Variants in ZNF407 observed in about 807,000 individuals in gnomAD.
The protein encoded by ZNF407 is zinc finger protein 407.
A neutral mutation model predicts 131.2 loss-of-function variants in ZNF407; 17 were observed. The observed-to-expected ratio is 0.13, with a 90% CI of 0.09 to 0.19. The LOEUF is 0.19. Among genes scored for constraint, ZNF407 ranks in the 10% least tolerant of loss-of-function variants. The pLI is 1.00. For missense variants in ZNF407, 2,681 were observed against 2,830.6 expected (o/e 0.95, Z 1.20); for synonymous variants, 1,156 against 1,062.0 (o/e 1.09, Z -1.72).
intron 8 of ZNF407, among the ~76,000 whole-genome samples, chr18:75,018,945 C>A (rs576823331): frequency 2.4e-4 from 37 of 152,096 alleles, no homozygotes; most frequent in South Asian, 8.3e-4. Flanking sequence ...TTTCTATTAC[C>A]AGTTTCATAA....
At position 74,617,096 on chromosome 18, in the gene ZNF407, A is replaced by ACACACATCCATATCCACGCACCAC. The variant is rs1352602380; in HGVS notation, c.-53-13871_-53-13870insCACACATCCATATCCACGCACCAC. Among the ~76,000 whole-genome samples the ACACACATCCATATCCACGCACCAC allele has an allele frequency of 2.5e-4, 6 of 24,258 alleles. 2 individuals carry two copies. The highest frequency in any genetic ancestry group is 2.7e-4 in the African/African-American group (2 of 7,274). 15.9% of individuals were successfully genotyped at this position (24,258 alleles called of 152,430 possible). A position where few individuals can be genotyped will look rare whatever the true frequency, so the allele number is the denominator to read the frequency against. ...CCACACACATCCATATCCATGCACC[A>ACACACATCCATATCCACGCACCAC]ACACATCCATATCCACACACCACAC... On this transcript the variant is annotated intron_variant, in intron 1 of 8. Transcript: ENST00000299687.
At chr18:74,764,377 AT>A in intron 3 of ZNF407, among the ~76,000 whole-genome samples, 1 of 152,070 alleles carries the variant, frequency 6.6e-6, no homozygotes, top group Admixed American at 6.5e-5. Context: ...CATCTAATGA[AT>A]TTTTTTATCT....
intron 7 of ZNF407, among the ~76,000 whole-genome samples, chr18:74,909,723 G>A (rs895706372): frequency 6.6e-6 from 1 of 151,562 alleles, no homozygotes; most frequent in Admixed American, 6.6e-5. Flanking sequence ...TTTGGAGAAG[G>A]GTTTTATAAA....
chr18:74,633,618 G>C lies in ZNF407; in HGVS notation c.2599G>C (p.Val867Leu), dbSNP rs1568134717. 6 of 1,614,032 alleles carry C rather than the reference G, an allele frequency of 3.7e-6. No individual in the cohort carries two copies. The highest frequency in any genetic ancestry group is 4.2e-6 in the Non-Finnish European group (5 of 1,179,908). Residue 867 changes from valine to leucine, a missense_variant, in exon 2 of 9, where the codon GTT (valine) becomes CTT (leucine). Coordinates refer to ENST00000299687, the MANE Select transcript of ZNF407 (RefSeq NM_017757.3). The part of the protein sequence containing the change: ...LLASSITNLT[V>L]HIRRKHSHQY... The stretch of plus-strand genomic sequence containing the variant: ...GGCCTCTAGTATTACAAACTTGACT[G>C]TTCACATTAGACGAAAACACAGTCA...
chr18:74,890,976 G>T (rs1002194028), intron 7 of ZNF407, among the ~76,000 whole-genome samples: 1 of 152,224 alleles, frequency 6.6e-6, no homozygotes. Flanking sequence ...ACTTGCATCC[G>T]CAGTGGCTGA....
chr18:74,645,025 C>T (rs144933571), intron 3 of ZNF407, among the ~76,000 whole-genome samples: 1 of 150,682 alleles, frequency 6.6e-6, no homozygotes, highest in African/African-American at 2.4e-5. Context: ...GATATTGTCT[C>T]TCTCTGTCTC....
intron 7 of ZNF407, among the ~76,000 whole-genome samples, chr18:74,909,271 G>A (rs1004641962): frequency 3.3e-5 from 5 of 151,920 alleles, no homozygotes; most frequent in Admixed American, 6.6e-5. Flanking sequence ...TAGGAAAAGC[G>A]CCGATAATGA....
At chr18:74,788,464 A>G (rs962991716) in intron 4 of ZNF407, among the ~76,000 whole-genome samples, 7 of 152,114 alleles carry the variant, frequency 4.6e-5, no homozygotes, top group African/African-American at 1.4e-4. Flanking sequence ...ATTTAAAAAC[A>G]CGCTTGCTTC....
intron 1 of ZNF407, among the ~76,000 whole-genome samples, chr18:74,623,924 A>G (rs536079002): frequency 6.6e-6 from 1 of 152,264 alleles, no homozygotes; most frequent in African/African-American, 2.4e-5. Context: ...AGATGTGTGG[A>G]AAGGGAATTG....
At chr18:74,756,418 A>C (rs1968964804) in intron 3 of ZNF407, among the ~76,000 whole-genome samples, 1 of 152,304 alleles carries the variant, frequency 6.6e-6, no homozygotes, top group African/African-American at 2.4e-5. Context: ...AAGTATTGTC[A>C]CATAAAGTAT....
chr18:74,798,676 A>G (rs1969966326), intron 4 of ZNF407, among the ~76,000 whole-genome samples: 1 of 152,128 alleles, frequency 6.6e-6, no homozygotes, highest in Non-Finnish European at 1.5e-5. Context: ...TTAATTTATG[A>G]CAAACTTTAG....
At chr18:74,741,996 A>C (rs1455184088) in intron 3 of ZNF407, among the ~76,000 whole-genome samples, 4 of 152,214 alleles carry the variant, frequency 2.6e-5, no homozygotes, top group Non-Finnish European at 5.9e-5. Context: ...GGGAAAGATG[A>C]AATAACAATT....
At chr18:74,710,975 ACTCT>A (rs1475483175) in intron 3 of ZNF407, among the ~76,000 whole-genome samples, 2 of 107,522 alleles carry the variant, frequency 1.9e-5, no homozygotes, top group Non-Finnish European at 4.3e-5. Flanking sequence ...GAATCAATTC[ACTCT>A]GTCCATTCTC....
intron 1 of ZNF407, among the ~76,000 whole-genome samples, chr18:74,617,107 A>T (rs1983342144): frequency 8.2e-6 from 1 of 121,790 alleles, no homozygotes; most frequent in Non-Finnish European, 1.7e-5. Context: ...ACACATCCAT[A>T]TCCACACACC....
intron 1 of ZNF407, among the ~76,000 whole-genome samples, chr18:74,624,372 C>A (rs539831912): frequency 6.6e-6 from 1 of 152,156 alleles, no homozygotes; most frequent in East Asian, 1.9e-4. Flanking sequence ...TCCCAGTGAA[C>A]TAAAAACAAC....
intron 7 of ZNF407, chr18:74,898,438 A>C (rs992188337): frequency 1.2e-4 from 18 of 152,252 alleles, no homozygotes; most frequent in Admixed American, 3.9e-4. Context: ...TTGGTAAAAC[A>C]ATGTTGCACT....
chr18:74,755,609 G>A (rs907395332), intron 3 of ZNF407, among the ~76,000 whole-genome samples: 1 of 61,528 alleles, frequency 1.6e-5, no homozygotes, highest in Non-Finnish European at 2.7e-5. Context: ...TTTTTTCTGA[G>A]ACCGAGTCTA....
At position 75,065,472 on chromosome 18, in the gene ZNF407, G is replaced by A. The variant is rs1973702167; in HGVS notation, c.*1004G>A. ...TCCTTGTGGATTCACCTGTGGCCCTGCTGTGGCCACCAGCATGGTCTGTGT... is the reference window on the plus strand; with the variant it reads ...TCCTTGTGGATTCACCTGTGGCCCTACTGTGGCCACCAGCATGGTCTGTGT... On this transcript the variant is annotated 3_prime_UTR_variant, in exon 9 of 9. Coordinates refer to ENST00000299687, the MANE Select transcript of ZNF407 (RefSeq NM_017757.3). 6.6e-6 allele frequency: 1 copy of A among 152,216 alleles called. No homozygotes were observed. The highest frequency in any genetic ancestry group is 1.5e-5 in the Non-Finnish European group (1 of 68,056). 9.4% of individuals were successfully genotyped at this position (152,216 alleles called of 1,614,324 possible). A position where few individuals can be genotyped will look rare whatever the true frequency, so the allele number is the denominator to read the frequency against.
At chr18:74,662,380 C>T (rs1985753440) in intron 3 of ZNF407, among the ~76,000 whole-genome samples, 1 of 152,112 alleles carries the variant, frequency 6.6e-6, no homozygotes, top group African/African-American at 2.4e-5. Context: ...TATACTATCA[C>T]TTACATTCAT....
Sources: allele counts gnomAD v4.1 joint callset (sites outside exome capture counted in the v4.1 genomes callset), GRCh38; gene constraint gnomAD v4.1.1; transcripts MANE v1.5; gene names NCBI Gene and HGNC (gene_info 2026-07-23, HGNC 2026-07-21).